The following ASIC2 variants were observed in gnomAD, a reference collection of about 807,000 sequenced individuals.
ASIC2 encodes the protein acid-sensing ion channel 2.
A neutral mutation model predicts 57.3 loss-of-function variants in ASIC2; 25 were observed. The observed-to-expected ratio is 0.44, with a 90% CI of 0.32 to 0.61. The LOEUF (loss-of-function observed/expected upper bound fraction) is 0.61. ASIC2 is among the 20% of genes least tolerant of loss of function. The pLI is 0.06. For missense variants in ASIC2, 641 were observed against 738.1 expected (o/e 0.87, Z 1.52); for synonymous variants, 319 against 307.5 (o/e 1.04, Z -0.39).
chr17:34,052,466 G>T (rs1908605413), intron 1 of ASIC2, among the ~76,000 whole-genome samples: 1 of 152,130 alleles, frequency 6.6e-6, no homozygotes, highest in Non-Finnish European at 1.5e-5. Flanking sequence ...GAATGGCGAC[G>T]ATTACTTTGG....
At chr17:33,631,772 G>A (rs1906179606) in intron 1 of ASIC2, among the ~76,000 whole-genome samples, 1 of 152,094 alleles carries the variant, frequency 6.6e-6, no homozygotes, top group Non-Finnish European at 1.5e-5. Context: ...CTCCTTCCAG[G>A]GTGGAATGTG....
intron 1 of ASIC2, among the ~76,000 whole-genome samples, chr17:33,489,143 C>T (rs956374770): frequency 2.1e-4 from 32 of 152,026 alleles, no homozygotes; most frequent in African/African-American, 7.7e-4. Context: ...CTGGCTGATC[C>T]TTGGACATGG....
intron 1 of ASIC2, among the ~76,000 whole-genome samples, chr17:33,878,271 A>G (rs999251383): frequency 6.6e-6 from 1 of 152,236 alleles, no homozygotes; most frequent in African/African-American, 2.4e-5. Flanking sequence ...TGACTTTGAC[A>G]AGTTGAGAGA....
At chr17:34,119,362 A>T (rs1911526830) in intron 1 of ASIC2, among the ~76,000 whole-genome samples, 1 of 152,240 alleles carries the variant, frequency 6.6e-6, no homozygotes, top group Admixed American at 6.5e-5. Flanking sequence ...CAAGTGAGAC[A>T]GCATAAATAA....
At chr17:33,657,990 G>A (rs1178499408) in intron 1 of ASIC2, among the ~76,000 whole-genome samples, 1 of 152,130 alleles carries the variant, frequency 6.6e-6, no homozygotes, top group East Asian at 1.9e-4. Flanking sequence ...TGGGACACAT[G>A]CCCTCTGCCT....
intron 1 of ASIC2, among the ~76,000 whole-genome samples, chr17:33,681,070 C>T (rs181534696): frequency 3.3e-5 from 5 of 152,282 alleles, no homozygotes; most frequent in South Asian, 2.1e-4. Flanking sequence ...TCTCTGGTCC[C>T]GATCCACAAT....
intron 1 of ASIC2, among the ~76,000 whole-genome samples, chr17:33,377,769 A>T (rs1223632894): frequency 6.6e-6 from 1 of 152,116 alleles, no homozygotes; most frequent in Non-Finnish European, 1.5e-5. Context: ...TCTGACCTTC[A>T]TCTCCTGTTT....
Position 34,099,754 on chromosome 17 carries a change from G to GA in ASIC2, c.555+56223dup, listed in dbSNP as rs1160087157. Among the ~76,000 whole-genome samples, 6 of 11,388 alleles carry GA rather than the reference G, an allele frequency of 5.3e-4. 1 individual carries two copies. The highest frequency in any genetic ancestry group is 1.8e-3 in the African/African-American group (6 of 3,336). 7.5% of individuals were successfully genotyped at this position (11,388 alleles called of 152,430 possible). ...AGAAGGAAAGAAAGAAAGAAAGAAA[G>GA]AAAGAAAGAAAGAAAGAAAGAAAGA... On this transcript the variant is annotated intron_variant, in intron 1 of 9. Transcript: ENST00000359872.
chr17:33,068,125 C>T (rs1189399369), intron 3 of ASIC2, among the ~76,000 whole-genome samples: 1 of 152,062 alleles, frequency 6.6e-6, no homozygotes, highest in Non-Finnish European at 1.5e-5. Flanking sequence ...CCTTTGTGGG[C>T]TTCTAGGTGA....
intron 1 of ASIC2, among the ~76,000 whole-genome samples, chr17:33,826,248 T>A (rs1490822998): frequency 2.0e-5 from 3 of 152,228 alleles, no homozygotes; most frequent in Admixed American, 2.0e-4. Flanking sequence ...AATTCAGTGG[T>A]CCCATAGAGC....
Position 33,291,488 on chromosome 17 carries a change from G to A in ASIC2, c.628C>T (p.Arg210Cys). 6 of 1,612,598 alleles carry A rather than the reference G, an allele frequency of 3.7e-6. No individual in the cohort carries two copies. The highest frequency in any genetic ancestry group is 4.2e-6 in the Non-Finnish European group (5 of 1,179,746). ...FEGISAAFMDRLGHQLEDMLL... is the reference protein window; with the variant it reads ...FEGISAAFMDCLGHQLEDMLL... ...ATGTCCTCCAGCTGGTGGCCCAGGC[G>A]GTCCATGAAGGCGGCGCTGATTCCC... The change falls in exon 1 of 10, where the codon CGC becomes TGC. Residue 210 changes from arginine (R) to cysteine (C), a missense_variant. Physicochemically the swap from Arg to Cys is radical, Grantham distance 180. Around this residue, in one of 3 missense-constraint regions of ASIC2, gnomAD observed 382 missense variants for 398.0 expected, o/e 0.96. Coordinates refer to ENST00000225823, the MANE Select transcript of ASIC2 (RefSeq NM_183377.2).
chr17:33,900,920 A>G (rs945028615), intron 1 of ASIC2, among the ~76,000 whole-genome samples: 2 of 152,208 alleles, frequency 1.3e-5, no homozygotes, highest in African/African-American at 4.8e-5. Context: ...GTGTATTAAA[A>G]AGCAAGTTGG....
At chr17:34,039,727 T>G in intron 1 of ASIC2, 14 of 1,612,460 alleles carry the variant, frequency 8.7e-6, no homozygotes, top group Non-Finnish European at 1.2e-5. Context: ...AGTCTCTACT[T>G]CTTTATCACT....
chr17:33,081,571 C>A (rs1047534351), intron 3 of ASIC2, among the ~76,000 whole-genome samples: 11 of 152,012 alleles, frequency 7.2e-5, no homozygotes, highest in African/African-American at 2.7e-4. Flanking sequence ...TTGAAAAAAA[C>A]CAACTGGGCA....
intron 1 of ASIC2, among the ~76,000 whole-genome samples, chr17:33,467,878 G>A (rs942966767): frequency 2.0e-5 from 3 of 152,182 alleles, no homozygotes; most frequent in African/African-American, 7.2e-5. Flanking sequence ...TTGGACACAT[G>A]TTCTCAGGAT....
At chr17:33,921,103 C>T (rs1362938639) in intron 1 of ASIC2, among the ~76,000 whole-genome samples, 2 of 152,154 alleles carry the variant, frequency 1.3e-5, no homozygotes, top group Non-Finnish European at 2.9e-5. Flanking sequence ...GTCTCACGTT[C>T]GCTGTGTCAT....
At chr17:33,653,589 C>CCAGT (rs1339141005) in intron 1 of ASIC2, among the ~76,000 whole-genome samples, 2 of 152,192 alleles carry the variant, frequency 1.3e-5, no homozygotes, top group Non-Finnish European at 2.9e-5. Flanking sequence ...TGGCTCCAGG[C>CCAGT]CAGTCAATGA....
intron 1 of ASIC2, among the ~76,000 whole-genome samples, chr17:33,550,964 G>A (rs1915734266): frequency 6.6e-6 from 1 of 152,188 alleles, no homozygotes; most frequent in South Asian, 2.1e-4. Flanking sequence ...GAAGCTCTGG[G>A]TGGGCTTAAT....
chr17:33,932,875 A>G (rs1915975583), intron 1 of ASIC2, among the ~76,000 whole-genome samples: 1 of 151,676 alleles, frequency 6.6e-6, no homozygotes, highest in Non-Finnish European at 1.5e-5. Flanking sequence ...TCCTAGAAGC[A>G]TTTTAGACTG....
Sources: allele counts gnomAD v4.1 joint callset (sites outside exome capture counted in the v4.1 genomes callset), GRCh38; gene constraint gnomAD v4.1.1; regional missense constraint gnomAD v4.1.1; transcripts MANE v1.5; gene names NCBI Gene and HGNC (gene_info 2026-07-23, HGNC 2026-07-21).